TTC13: variants seen among roughly 807,000 people sequenced by gnomAD.
TTC13 encodes tetratricopeptide repeat domain 13.
A neutral mutation model predicts 120.0 loss-of-function variants in TTC13; 62 were observed. The ratio of observed to expected loss-of-function variants is 0.52; its 90% CI spans 0.42 to 0.64. The LOEUF is 0.64. TTC13 is among the 30% of genes least tolerant of loss of function. The pLI is 0.00. For missense variants in TTC13, 824 were observed against 1,050.2 expected (o/e 0.78, Z 2.98); for synonymous variants, 384 against 393.5 (o/e 0.98, Z 0.28).
chr1:230,942,813 T>A lies in TTC13; in HGVS notation c.672+993A>T, dbSNP rs540467850. Among the ~76,000 whole-genome samples, 187 of 152,330 alleles carry A rather than the reference T, an allele frequency of 1.2e-3. 6 individuals carry two copies. The South Asian group carries it at 0.038, about 31-fold the overall frequency. On this transcript the variant is annotated intron_variant, in intron 6 of 22. Coordinates refer to ENST00000366661, the MANE Select transcript of TTC13 (RefSeq NM_024525.5). This position sits in a 1 kb window ranked among gnomAD's most constrained non-coding sequence, Gnocchi z 4.0. ...GTCCCCACCACACCATGGGACTGGA[T>A]CAGCTCTAGCCTCGCTTCCTCCGAC...
chr1:230,923,737 A>C, intron 15 of TTC13, 104 bp downstream of exon 15: 1 of 941,872 alleles, frequency 1.1e-6, no homozygotes, highest in Non-Finnish European at 1.7e-6. Flanking sequence ...TCCCTGGTCA[A>C]AAAGTCACCA....
chr1:230,960,161 G>A (rs914703467), intron 2 of TTC13, among the ~76,000 whole-genome samples: 2 of 152,180 alleles, frequency 1.3e-5, no homozygotes, highest in Non-Finnish European at 2.9e-5. Context: ...AATATCTGGA[G>A]AATGGATCAA....
In TTC13 at chr1:230,942,420, T is replaced by A. The variant is rs1003019235; in HGVS notation, c.672+1386A>T. Among the ~76,000 whole-genome samples, 1 of 152,166 alleles carries A rather than the reference T, an allele frequency of 6.6e-6. No homozygotes were observed. Among genetic ancestry groups the A allele is most frequent in the Non-Finnish European group, 1.5e-5 (1 of 68,028 alleles). ...AAATTAAATCATTCATTGAGAAAGATTTTATTCAAAAAGCCAAATCCCCAA... is the reference window on the plus strand; with the variant it reads ...AAATTAAATCATTCATTGAGAAAGAATTTATTCAAAAAGCCAAATCCCCAA... On this transcript the variant is annotated intron_variant, in intron 6 of 22. Transcript: ENST00000366661. The surrounding 1 kb of genome is among the most constrained non-coding windows in gnomAD (Gnocchi z 4.0).
chr1:230,907,040 G>A, intron 22 of TTC13, 21 bp from the exon 23 acceptor site: 1 of 1,302,952 alleles, frequency 7.7e-7, no homozygotes, highest in Non-Finnish European at 1.0e-6. Flanking sequence ...AAAACACAAA[G>A]TAGCGGCATG....
rs760401292 is a variant in TTC13 at position 230,961,310 on chromosome 1, G to A, written c.272-7C>T. The A allele has an allele frequency of 6.2e-7, 1 of 1,604,272 alleles. No homozygotes were observed. The highest frequency in any genetic ancestry group is 1.1e-5 in the South Asian group (1 of 90,282). ...AAGTTCAAAAAGGATGACTCTGAAA[G>A]GCAAGCATTCTTTGTTATTCTCTAC... On this transcript the variant is annotated splice_region_variant and splice_polypyrimidine_tract_variant and intron_variant, in intron 1 of 22. Transcript: ENST00000366661.
intron 1 of TTC13, among the ~76,000 whole-genome samples, chr1:230,973,672 C>T (rs1677981021): frequency 6.6e-6 from 1 of 152,190 alleles, no homozygotes; most frequent in African/African-American, 2.4e-5. Flanking sequence ...TTTAAAACAA[C>T]TTCTAGAAAT....
intron 18 of TTC13, among the ~76,000 whole-genome samples, chr1:230,913,245 T>A (rs555499317): frequency 5.9e-5 from 9 of 152,220 alleles, no homozygotes; most frequent in African/African-American, 2.2e-4. Flanking sequence ...ATAAGTTTGA[T>A]ACAACAGGCA....
chr1:230,949,833 T>G (rs1385365283), intron 4 of TTC13, among the ~76,000 whole-genome samples: 1 of 152,064 alleles, frequency 6.6e-6, no homozygotes, highest in Non-Finnish European at 1.5e-5. Flanking sequence ...GTATTTTTAG[T>G]AGAGACGGGG....
chr1:230,916,105 A>C, intron 18 of TTC13, 88 bp downstream of exon 18: 1 of 979,436 alleles, frequency 1.0e-6, no homozygotes, highest in Non-Finnish European at 1.6e-6. Context: ...GCAAAAGTTC[A>C]ACACCACAAA....
Position 230,977,850 on chromosome 1 carries a change from T to C in TTC13, c.271+710A>G, listed in dbSNP as rs140631023. ...CTATGATTTATTAAACTGAAGCCAA[T>C]AGCGCCCATTCTTAATGAATGAGCT... On this transcript the variant is annotated intron_variant, in intron 1 of 22. Coordinates refer to ENST00000366661, the MANE Select transcript of TTC13 (RefSeq NM_024525.5). Among the ~76,000 whole-genome samples the C allele has an allele frequency of 5.2e-4, 79 of 152,334 alleles. 1 individual carries two copies. In the East Asian group the frequency reaches 0.015, roughly 28 times the overall value.
chr1:230,925,645 T>A lies in TTC13; in HGVS notation c.1460A>T (p.Asp487Val). 6.2e-7 allele frequency: 1 copy of A among 1,613,920 alleles called. No individual in the cohort carries two copies. The highest frequency in any genetic ancestry group is 8.5e-7 in the Non-Finnish European group (1 of 1,179,866). The change falls in exon 13 of 23, where the codon GAT becomes GTT. Residue 487 changes from aspartate to valine, a missense_variant and splice_region_variant. Coordinates refer to ENST00000366661, the MANE Select transcript of TTC13 (RefSeq NM_024525.5). ...ACTCTCAAAATTCTGATGTAACACA[T>A]CTCTGGAAGAAACATCATGTACATG... ...EQPGLQPHIK[D>V]VLHQNFESYK...
intron 18 of TTC13, among the ~76,000 whole-genome samples, chr1:230,915,359 T>TGC (rs1222407572): frequency 6.6e-6 from 1 of 151,408 alleles, no homozygotes; most frequent in Non-Finnish European, 1.5e-5. Flanking sequence ...TGTGTGTATG[T>TGC]GTGTGTGTGT....
intron 9 of TTC13, among the ~76,000 whole-genome samples, chr1:230,933,500 A>C (rs1437373685): frequency 2.0e-5 from 3 of 152,158 alleles, no homozygotes; most frequent in Non-Finnish European, 1.5e-5. Context: ...AATAGCTTAC[A>C]ATGCCACTAT....
chr1:230,977,753 T>C (rs1176077784), intron 1 of TTC13, among the ~76,000 whole-genome samples: 2 of 152,070 alleles, frequency 1.3e-5, no homozygotes, highest in Admixed American at 6.5e-5. Flanking sequence ...AGGAGATTGA[T>C]GGGTAAAAAG....
intron 3 of TTC13, chr1:230,956,570 G>A: frequency 2.5e-6 from 1 of 397,082 alleles, no homozygotes; most frequent in Non-Finnish European, 4.8e-6. Flanking sequence ...TCTGTTGAAT[G>A]AACAAATCAA....
At chr1:230,925,387 T>G in intron 13 of TTC13, 130 bp downstream of exon 13, 1 of 1,109,076 alleles carries the variant, frequency 9.0e-7, no homozygotes, top group Non-Finnish European at 1.3e-6. Context: ...TTCTACACAT[T>G]TCTATTCTGA....
chr1:230,928,818 TG>T, intron 12 of TTC13, 118 bp downstream of exon 12: 1 of 952,558 alleles, frequency 1.0e-6, no homozygotes, highest in Non-Finnish European at 1.5e-6. Context: ...ATTGAACTCC[TG>T]GCCCCAGGCA....
chr1:230,954,651 A>G (rs1572263497), intron 3 of TTC13, among the ~76,000 whole-genome samples: 2 of 152,210 alleles, frequency 1.3e-5, no homozygotes, highest in East Asian at 3.8e-4. Flanking sequence ...CCTACAAGAG[A>G]TACTGATCTT....
At chr1:230,950,250 A>T (rs1238513310) in intron 4 of TTC13, among the ~76,000 whole-genome samples, 2 of 151,956 alleles carry the variant, frequency 1.3e-5, no homozygotes, top group Non-Finnish European at 2.9e-5. Context: ...TATAATATTT[A>T]TACTTTATAA....
Sources: allele counts gnomAD v4.1 joint callset (sites outside exome capture counted in the v4.1 genomes callset), GRCh38; gene constraint gnomAD v4.1.1; non-coding constraint Gnocchi (gnomAD v3.1); transcripts MANE v1.5; gene names NCBI Gene and HGNC (gene_info 2026-07-23, HGNC 2026-07-21).